Variants in CNTNAP4 observed in about 807,000 individuals in gnomAD.
CNTNAP4 encodes contactin-associated protein-like 4.
A neutral mutation model predicts 148.4 loss-of-function variants in CNTNAP4; 98 were observed. The ratio of observed to expected loss-of-function variants is 0.66; its 90% CI spans 0.56 to 0.78. The LOEUF (loss-of-function observed/expected upper bound fraction) is 0.78. Ranked by LOEUF, CNTNAP4 falls within the 30% of genes least tolerant of loss-of-function variation. CNTNAP4 has a pLI of 0.00. For synonymous variants in CNTNAP4, 730 were observed against 565.1 expected, an observed-to-expected ratio of 1.29 and a Z score of -4.14; for missense variants, 1,935 against 1,565.6, an observed-to-expected ratio of 1.24 and a Z score of -3.98.
At chr16:76,291,172 C>T (rs1008196594) in intron 1 of CNTNAP4, among the ~76,000 whole-genome samples, 12 of 152,174 alleles carry the variant, frequency 7.9e-5, no homozygotes, top group Non-Finnish European at 1.5e-5. Flanking sequence ...GGTGCTCTCA[C>T]TGTTGCAACT....
intron 3 of CNTNAP4, among the ~76,000 whole-genome samples, chr16:76,425,921 G>C (rs576892706): frequency 6.6e-6 from 1 of 152,288 alleles, no homozygotes; most frequent in East Asian, 1.9e-4. Context: ...TGTGTGCTCA[G>C]AGGGGAAGAC....
intron 7 of CNTNAP4, among the ~76,000 whole-genome samples, chr16:76,451,599 ATGTGTGTG>A (rs71134761): frequency 8.7e-4 from 123 of 141,360 alleles, no homozygotes; most frequent in African/African-American, 2.6e-3. Flanking sequence ...TTTTAGATAG[ATGTGTGTG>A]TGTGTGTGTG....
intron 2 of CNTNAP4, among the ~76,000 whole-genome samples, chr16:76,318,255 C>G (rs1334171973): frequency 6.6e-6 from 1 of 152,180 alleles, no homozygotes; most frequent in African/African-American, 2.4e-5. Context: ...GAATGTGGGC[C>G]AGTGAAAGGA....
Position 76,526,550 on chromosome 16 carries a change from C to A in CNTNAP4, c.2755+4293C>A, listed in dbSNP as rs573501632. ...GTAGACATGTTGAAATTTAGATGCA[C>A]CCAACTTGCTAATGAATTGGTCATT... On this transcript the variant is annotated intron_variant, in intron 17 of 23. Transcript: ENST00000611870. 2.0e-5 allele frequency among the ~76,000 whole-genome samples: 3 copies of A among 152,212 alleles called. No homozygotes were observed. The East Asian group carries it at 5.8e-4, about 29-fold the overall frequency.
intron 2 of CNTNAP4, among the ~76,000 whole-genome samples, chr16:76,334,053 C>G (rs76780670): frequency 1.3e-5 from 2 of 151,548 alleles, no homozygotes; most frequent in Non-Finnish European, 1.5e-5. Context: ...ATGATGAGTT[C>G]ATGTCCTTTG....
At chr16:76,329,631 G>C (rs1174846304) in intron 2 of CNTNAP4, among the ~76,000 whole-genome samples, 2 of 152,114 alleles carry the variant, frequency 1.3e-5, no homozygotes, top group Non-Finnish European at 1.5e-5. Context: ...CCTTATATAT[G>C]TAATAATTTA....
chr16:76,542,947 C>T (rs2084527815), intron 21 of CNTNAP4, among the ~76,000 whole-genome samples: 2 of 152,134 alleles, frequency 1.3e-5, no homozygotes, highest in Admixed American at 1.3e-4. Context: ...AATTGGGAAG[C>T]TGATTTTCAT....
intron 1 of CNTNAP4, chr16:76,309,740 T>C (rs533237877): frequency 4.7e-6 from 3 of 640,566 alleles, no homozygotes; most frequent in Admixed American, 2.3e-5. Context: ...GGTAATTGAA[T>C]TGGGGTTTGG....
At chr16:76,278,220 T>C (rs1275311104) in intron 1 of CNTNAP4, among the ~76,000 whole-genome samples, 1 of 152,220 alleles carries the variant, frequency 6.6e-6, no homozygotes, top group Non-Finnish European at 1.5e-5. Flanking sequence ...TTTAAAATAA[T>C]GCAGGCTAAT....
chr16:76,449,925 C>T lies in CNTNAP4; in HGVS notation c.1071+67C>T, dbSNP rs571407740. The T allele has an allele frequency of 2.8e-5, 39 of 1,392,500 alleles. No homozygotes were observed. The East Asian group carries it at 4.8e-4, about 17-fold the overall frequency. 86.3% of individuals were successfully genotyped at this position (1,392,500 alleles called of 1,614,324 possible). ...TTTTTTCCACACAGTAAAATTCCTC[C>T]ATTTTAGGTTCCCATTTGACATGGG... On this transcript the variant is annotated intron_variant, in intron 7 of 23. Transcript: ENST00000611870.
At chr16:76,428,956 A>T (rs1394229077) in intron 4 of CNTNAP4, among the ~76,000 whole-genome samples, 2 of 152,286 alleles carry the variant, frequency 1.3e-5, no homozygotes, top group East Asian at 3.9e-4. Context: ...TGACTTGCTC[A>T]AGCCACACAG....
At chr16:76,435,211 C>T (rs186326707) in intron 4 of CNTNAP4, among the ~76,000 whole-genome samples, 20 of 152,216 alleles carry the variant, frequency 1.3e-4, no homozygotes, top group South Asian at 1.0e-3. Context: ...CTGTGATTCT[C>T]TGTTTTTATA....
At chr16:76,408,263 TATG>T (rs66800776) in intron 3 of CNTNAP4, among the ~76,000 whole-genome samples, 52,930 of 151,782 alleles carry the variant, frequency 0.35, 10,863 homozygotes, top group Non-Finnish European at 0.44. Flanking sequence ...TGTCTGTACC[TATG>T]ATAAGTAAAG....
intron 4 of CNTNAP4, among the ~76,000 whole-genome samples, chr16:76,434,597 C>T (rs950606259): frequency 6.6e-6 from 1 of 152,202 alleles, no homozygotes; most frequent in Non-Finnish European, 1.5e-5. Context: ...GGAATCACCA[C>T]CCCTGCATCT....
chr16:76,280,199 C>T (rs1597063434), intron 1 of CNTNAP4, among the ~76,000 whole-genome samples: 3 of 152,290 alleles, frequency 2.0e-5, no homozygotes, highest in South Asian at 4.1e-4. Context: ...AATCTGTCAT[C>T]TACAGAGTCA....
chr16:76,310,468 G>T (rs538739602), intron 1 of CNTNAP4, among the ~76,000 whole-genome samples: 17 of 152,262 alleles, frequency 1.1e-4, no homozygotes, highest in Middle Eastern at 3.4e-3. Flanking sequence ...TAGATGTCTT[G>T]AAGGGAAGGC....
intron 15 of CNTNAP4, among the ~76,000 whole-genome samples, chr16:76,517,536 A>G (rs937179898): frequency 6.6e-6 from 1 of 152,194 alleles, no homozygotes; most frequent in Non-Finnish European, 1.5e-5. Context: ...GCATTTCTAA[A>G]TTTCATTTTA....
In CNTNAP4 at chr16:76,522,102, C is replaced by T; in HGVS notation, c.2600C>T (p.Ser867Leu). 13 of 1,613,950 alleles carry T rather than the reference C, an allele frequency of 8.1e-6. No homozygotes were observed. The highest frequency in any genetic ancestry group is 1.7e-5 in the Admixed American group (1 of 60,006). Residue 867 changes from serine to leucine, a missense_variant, in exon 17 of 24, where the codon TCA (serine) becomes TTA (leucine). Ser to Leu is a moderately radical substitution (Grantham distance 145). Transcript: ENST00000611870. The stretch of plus-strand genomic sequence containing the variant: ...GGGCCTTTTGAAATCTCAGTGCAGT[C>T]ACCCACCCACTTCAACGACAACCAG... ...GNGPFEISVQ[S>L]PTHFNDNQWH...
intron 3 of CNTNAP4, 121 bp from the exon 4 acceptor site, chr16:76,427,331 T>C (rs1023483527): frequency 1.5e-5 from 10 of 677,996 alleles, no homozygotes; most frequent in Admixed American, 6.1e-5. Context: ...GATTTTCTTA[T>C]AGAAGGTAGC....
Sources: allele counts gnomAD v4.1 joint callset (sites outside exome capture counted in the v4.1 genomes callset), GRCh38; gene constraint gnomAD v4.1.1; transcripts MANE v1.5; gene names NCBI Gene and HGNC (gene_info 2026-07-23, HGNC 2026-07-21).